PNPLA8: variants seen among roughly 807,000 people sequenced by gnomAD.
PNPLA8 encodes patatin like domain 8, phospholipase A2.
A neutral mutation model predicts 76.9 loss-of-function variants in PNPLA8; 39 were observed. The observed-to-expected ratio is 0.51, with a 90% confidence interval of 0.39 to 0.66. The LOEUF (loss-of-function observed/expected upper bound fraction) is 0.66. Ranked by LOEUF, PNPLA8 falls within the 30% of genes least tolerant of loss-of-function variation. The probability of loss-of-function intolerance (pLI) is 0.00; values close to 1 mark genes in which losing one functional copy is unlikely to be tolerated. For missense variants in PNPLA8, 887 were observed against 918.0 expected, an observed-to-expected ratio of 0.97 and a Z score of 0.44; for synonymous variants, 301 against 307.9, an observed-to-expected ratio of 0.98 and a Z score of 0.24.
At chr7:108,521,011 C>G (rs1863697728) in intron 2 of PNPLA8, among the ~76,000 whole-genome samples, 1 of 152,140 alleles carries the variant, frequency 6.6e-6, no homozygotes, top group Admixed American at 6.5e-5. Context: ...ATACTATCCT[C>G]AAGGTGCAGA....
Position 108,516,371 on chromosome 7 carries a change from T to C in PNPLA8, c.-83-797A>G, listed in dbSNP as rs534146403. The stretch of plus-strand genomic sequence containing the variant: ...CAAAGGTAATACAATGGGGCAAAAA[T>C]AGTCTTAACAAATGACAACTGACAT... On this transcript the variant is annotated intron_variant, in intron 2 of 10. Coordinates refer to ENST00000257694, the MANE Select transcript of PNPLA8 (RefSeq NM_001256007.3). Among the ~76,000 whole-genome samples the C allele has an allele frequency of 2.0e-4, 30 of 152,260 alleles. No individual in the cohort carries two copies. In the East Asian group the frequency reaches 4.2e-3, roughly 22 times the overall value.
At chr7:108,498,675 G>C (rs1317014228) in intron 5 of PNPLA8, among the ~76,000 whole-genome samples, 2 of 152,182 alleles carry the variant, frequency 1.3e-5, no homozygotes, top group Non-Finnish European at 2.9e-5. Context: ...TAATGTTGCT[G>C]ACTTTGCTCA....
chr7:108,480,184 T>C (rs370219752), intron 9 of PNPLA8, among the ~76,000 whole-genome samples: 4 of 151,924 alleles, frequency 2.6e-5, no homozygotes, highest in Non-Finnish European at 4.4e-5. Context: ...CTGAGCAACA[T>C]AGGGACACCT....
intron 4 of PNPLA8, among the ~76,000 whole-genome samples, chr7:108,505,342 ATATATATATATTTTTTTT>A (rs1563968140): frequency 1.8e-4 from 1 of 5,506 alleles, no homozygotes; most frequent in African/African-American, 9.9e-4. Context: ...ATATATATAT[ATATATATATATTTTTTTT>A]TTTTTTTTTT....
intron 1 of PNPLA8, among the ~76,000 whole-genome samples, chr7:108,524,695 T>C (rs1234632637): frequency 6.6e-6 from 1 of 152,032 alleles, no homozygotes; most frequent in Non-Finnish European, 1.5e-5. Flanking sequence ...TGCGCACGCC[T>C]GTAAATCCCA....
chr7:108,494,411 T>A (rs752210673), intron 7 of PNPLA8, among the ~76,000 whole-genome samples: 6 of 152,192 alleles, frequency 3.9e-5, no homozygotes, highest in Non-Finnish European at 7.3e-5. Flanking sequence ...CCCATCCTTA[T>A]GTTCATGTAT....
At chr7:108,493,666 G>T (rs1861362375) in intron 7 of PNPLA8, among the ~76,000 whole-genome samples, 1 of 140,474 alleles carries the variant, frequency 7.1e-6, no homozygotes, top group Non-Finnish European at 1.5e-5. Context: ...TGACACAAAA[G>T]ATGTGAAAAT....
chr7:108,511,353 C>A (rs1862918148), intron 4 of PNPLA8, among the ~76,000 whole-genome samples: 1 of 152,120 alleles, frequency 6.6e-6, no homozygotes, highest in Non-Finnish European at 1.5e-5. Context: ...CGGTGGTCAT[C>A]CTTAGCATTA....
intron 9 of PNPLA8, among the ~76,000 whole-genome samples, chr7:108,482,118 T>C (rs1860440663): frequency 6.6e-6 from 1 of 152,218 alleles, no homozygotes; most frequent in Admixed American, 6.5e-5. Context: ...ATGACTACTG[T>C]ACCTTTAGAG....
At chr7:108,480,801 G>T in intron 9 of PNPLA8, 2 of 334,400 alleles carry the variant, frequency 6.0e-6, no homozygotes, top group South Asian at 2.4e-5. Context: ...GAACTTTAAT[G>T]CATATAGATT....
intron 10 of PNPLA8, among the ~76,000 whole-genome samples, chr7:108,477,487 T>A (rs1860082310): frequency 6.6e-6 from 1 of 152,198 alleles, no homozygotes; most frequent in Non-Finnish European, 1.5e-5. Context: ...TACAAGCAGC[T>A]GTTAAGTGGT....
At chr7:108,505,329 TATATATATATATATATA>T (rs1563967656) in intron 4 of PNPLA8, among the ~76,000 whole-genome samples, 9 of 9,568 alleles carry the variant, frequency 9.4e-4, no homozygotes, top group Admixed American at 2.5e-3. Context: ...TATATATATA[TATATATATATATATATA>T]TATATATTTT....
upstream of PNPLA8, chr7:108,526,358 GCGTGCGTGCGTGCGT>G (rs1864088393): frequency 2.1e-5 from 3 of 141,762 alleles, no homozygotes; most frequent in African/African-American, 8.9e-5. Context: ...GTGTGTGCGT[GCGTGCGTGCGTGCGT>G]GATGCGCGAG....
At chr7:108,497,373 T>C in intron 6 of PNPLA8, 110 bp downstream of exon 6, 2 of 681,542 alleles carry the variant, frequency 2.9e-6, no homozygotes, top group Non-Finnish European at 4.8e-6. Context: ...TTTTGGGGTA[T>C]GGAGAGAGGG....
At position 108,472,132 on chromosome 7, in the gene PNPLA8, C is replaced by A; in HGVS notation, c.*269G>T. On this transcript the variant is annotated 3_prime_UTR_variant, in exon 11 of 11. Coordinates refer to ENST00000257694, the MANE Select transcript of PNPLA8 (RefSeq NM_001256007.3). ...TATTTTCAAACATCAAACAATATAACACCAATATCTACTAAAATCTACTAG... is the reference window on the plus strand; with the variant it reads ...TATTTTCAAACATCAAACAATATAAAACCAATATCTACTAAAATCTACTAG... The A allele has an allele frequency of 3.7e-6, 1 of 266,966 alleles. No homozygotes were observed. The allele number at this position is 266,966 out of a possible 1,614,324, so 16.5% of individuals were successfully genotyped here.
chr7:108,519,753 C>T (rs919130246), intron 2 of PNPLA8, among the ~76,000 whole-genome samples: 3 of 152,008 alleles, frequency 2.0e-5, no homozygotes, highest in Non-Finnish European at 4.4e-5. Context: ...AGACTTTTTC[C>T]CTATCTACAA....
At chr7:108,510,269 G>A (rs1862811845) in intron 4 of PNPLA8, 16 of 1,573,474 alleles carry the variant, frequency 1.0e-5, no homozygotes, top group Non-Finnish European at 1.4e-5. Context: ...GGTTCCTGCT[G>A]TGCCAGAAAC....
chr7:108,493,568 C>CTTTTTTTTTT (rs34935118), intron 7 of PNPLA8, among the ~76,000 whole-genome samples: 358 of 81,244 alleles, frequency 4.4e-3, no homozygotes, highest in African/African-American at 6.4e-3. Flanking sequence ...CCATGCCTGG[C>CTTTTTTTTTT]TTTTTTTTTT....
chr7:108,475,651 T>C (rs1262317923), intron 10 of PNPLA8, among the ~76,000 whole-genome samples: 2 of 152,178 alleles, frequency 1.3e-5, no homozygotes, highest in Non-Finnish European at 2.9e-5. Flanking sequence ...CAAATTTTAG[T>C]TTCCTTGGCC....
Sources: gnomAD v4.1 joint callset for allele counts (sites outside exome capture counted in the v4.1 genomes callset) on GRCh38, gnomAD v4.1.1 for gene constraint, MANE v1.5 for transcripts, NCBI Gene and HGNC (gene_info 2026-07-23, HGNC 2026-07-21) for gene names.